Variants in TEX9 observed in about 807,000 individuals in gnomAD.
TEX9 encodes the protein testis-expressed protein 9.
Under a neutral mutation model 59.6 loss-of-function variants are expected in TEX9, and 74 were observed. The ratio of observed to expected loss-of-function variants is 1.24; its 90% CI spans 1.03 to 1.51. The LOEUF is 1.51. Ranked by LOEUF, TEX9 falls within the 40% of genes most tolerant of loss-of-function variation. TEX9 has a pLI of 0.00. For synonymous variants in TEX9, 186 were observed against 152.2 expected, an observed-to-expected ratio of 1.22 and a Z score of -1.64; for missense variants, 522 against 447.8, an observed-to-expected ratio of 1.17 and a Z score of -1.49.
the TEX9 span, among the ~76,000 whole-genome samples, chr15:56,455,737 C>T: frequency 2.0e-5 from 3 of 151,956 alleles, no homozygotes; most frequent in South Asian, 2.1e-4. Flanking sequence ...GAGTATTATA[C>T]GGAAGTATGG....
chr15:56,288,045 A>T lies in TEX9; in HGVS notation c.-107+43767A>T, dbSNP rs183456339. On this transcript the variant is annotated intron_variant, in intron 1 of 5. Coordinates refer to the TEX9 transcript ENST00000560827. ...TCCTTTGGATATATACGCAGTAGTG[A>T]GATTGCTGGATCATATGATAGTTGT... 3.9e-5 allele frequency among the ~76,000 whole-genome samples: 6 copies of T among 152,284 alleles called. No homozygotes were observed. The East Asian group carries it at 9.6e-4, about 24-fold the overall frequency.
At chr15:56,432,753 C>T (rs1470182114) in intron 12 of TEX9, among the ~76,000 whole-genome samples, 2 of 152,162 alleles carry the variant, frequency 1.3e-5, no homozygotes, top group Non-Finnish European at 2.9e-5. Context: ...TGCTTAGCTT[C>T]TGAGAACAGA....
intron 2 of TEX9, among the ~76,000 whole-genome samples, chr15:56,372,609 GCTTC>G (rs2047242960): frequency 6.6e-6 from 1 of 152,142 alleles, no homozygotes; most frequent in African/African-American, 2.4e-5. Flanking sequence ...AGTTTAACAT[GCTTC>G]TAAAGATTAC....
At chr15:56,352,709 T>A (rs1035204724) in intron 1 of TEX9, among the ~76,000 whole-genome samples, 1 of 152,196 alleles carries the variant, frequency 6.6e-6, no homozygotes. Flanking sequence ...ATATTTTATA[T>A]CAGGTTACTG....
intron 1 of TEX9, among the ~76,000 whole-genome samples, chr15:56,285,186 T>C (rs1258100826): frequency 6.6e-6 from 1 of 152,194 alleles, no homozygotes; most frequent in African/African-American, 2.4e-5. Flanking sequence ...GTGGGAGTGC[T>C]AGTTGCAGTC....
chr15:56,385,103 A>G (rs1182108607), intron 4 of TEX9, among the ~76,000 whole-genome samples: 1 of 152,168 alleles, frequency 6.6e-6, no homozygotes, highest in Non-Finnish European at 1.5e-5. Context: ...TTTGTTGAGA[A>G]GACTGTTCTT....
intron 10 of TEX9, among the ~76,000 whole-genome samples, chr15:56,426,748 T>G (rs1216041006): frequency 2.6e-5 from 4 of 151,318 alleles, no homozygotes; most frequent in Non-Finnish European, 4.4e-5. Context: ...TGGTATCATT[T>G]TCCTTTTGTA....
intron 1 of TEX9, among the ~76,000 whole-genome samples, chr15:56,339,752 A>C (rs761354726): frequency 6.6e-6 from 1 of 152,052 alleles, no homozygotes; most frequent in Non-Finnish European, 1.5e-5. Context: ...TTAGGTGATT[A>C]GGTCATCATG....
intron 1 of TEX9, among the ~76,000 whole-genome samples, chr15:56,255,130 A>G (rs1040561655): frequency 2.5e-4 from 38 of 152,118 alleles, no homozygotes; most frequent in Non-Finnish European, 5.4e-4. Flanking sequence ...ACCAGATAGT[A>G]AATATTTTCA....
At chr15:56,382,685 G>A (rs1444774263) in intron 3 of TEX9, among the ~76,000 whole-genome samples, 1 of 152,180 alleles carries the variant, frequency 6.6e-6, no homozygotes, top group Non-Finnish European at 1.5e-5. Context: ...AATGGTGGCT[G>A]CGTGACTCTG....
chr15:56,413,339 TTAA>T (rs2049502110), intron 10 of TEX9, among the ~76,000 whole-genome samples: 1 of 135,488 alleles, frequency 7.4e-6, no homozygotes, highest in Non-Finnish European at 1.7e-5. Context: ...AAAACAATAT[TTAA>T]TAATTAAAAC....
At chr15:56,353,451 G>C (rs950423649) in intron 1 of TEX9, among the ~76,000 whole-genome samples, 1 of 152,076 alleles carries the variant, frequency 6.6e-6, no homozygotes, top group African/African-American at 2.4e-5. Flanking sequence ...AATCATCTTA[G>C]TACTCTGAAC....
exon 8 of TEX9, chr15:56,394,188 G>A (rs2048346858): frequency 6.2e-7 from 1 of 1,608,204 alleles, no homozygotes; most frequent in Admixed American, 1.7e-5. Flanking sequence ...ATTTCTAAAG[G>A]CCAAACTCCA....
chr15:56,452,323 C>T, the TEX9 span, among the ~76,000 whole-genome samples: 10 of 152,222 alleles, frequency 6.6e-5, no homozygotes, highest in Middle Eastern at 3.4e-3. Flanking sequence ...ACACAGGACA[C>T]GCTTAATTCC....
chr15:56,366,711 CTA>C (rs2046963109), intron 2 of TEX9, among the ~76,000 whole-genome samples: 1 of 152,106 alleles, frequency 6.6e-6, no homozygotes, highest in African/African-American at 2.4e-5. Flanking sequence ...TATAAAATAA[CTA>C]GATTAAAATT....
At chr15:56,334,826 AT>A (rs1405002694) in intron 1 of TEX9, among the ~76,000 whole-genome samples, 2 of 152,090 alleles carry the variant, frequency 1.3e-5, no homozygotes, top group Non-Finnish European at 2.9e-5. Flanking sequence ...TAAAAATCTG[AT>A]TTTTTTAAAT....
chr15:56,249,135 G>A (rs1439357430), intron 1 of TEX9: 2 of 152,154 alleles, frequency 1.3e-5, no homozygotes, highest in East Asian at 3.8e-4. Flanking sequence ...AACAAAAGGT[G>A]TGTGACAGGA....
At chr15:56,457,779 C>T in the TEX9 span, among the ~76,000 whole-genome samples, 1 of 151,644 alleles carries the variant, frequency 6.6e-6, no homozygotes, top group Non-Finnish European at 1.5e-5. Flanking sequence ...CATGCCACTG[C>T]ACTCCAGCTG....
At chr15:56,404,625 A>G (rs1260361598) in intron 9 of TEX9, among the ~76,000 whole-genome samples, 1 of 152,202 alleles carries the variant, frequency 6.6e-6, no homozygotes, top group Non-Finnish European at 1.5e-5. Context: ...CAGCAATCCC[A>G]TTACTGAGTA....
Sources: gnomAD v4.1 joint callset for allele counts (sites outside exome capture counted in the v4.1 genomes callset) on GRCh38, gnomAD v4.1.1 for gene constraint, MANE v1.5 for transcripts, NCBI Gene and HGNC (gene_info 2026-07-23, HGNC 2026-07-21) for gene names.